The following BRIP1 variants were observed in gnomAD, a reference collection of about 807,000 sequenced individuals.
BRIP1 encodes BRCA1 interacting DNA helicase 1, also known as Fanconi anemia group J protein.
BRIP1 carries 88 observed loss-of-function variants against 119.7 expected under a neutral mutation model. The ratio of observed to expected loss-of-function variants is 0.74; its 90% confidence interval spans 0.62 to 0.88. The LOEUF (loss-of-function observed/expected upper bound fraction) is 0.88, where lower values mean the gene tolerates loss of function less well. BRIP1 is among the 40% of genes least tolerant of loss of function. BRIP1 has a pLI of 0.00. For synonymous variants in BRIP1, 443 were observed against 496.5 expected, an observed-to-expected ratio of 0.89 and a Z score of 1.43; for missense variants, 1,259 against 1,455.4, an observed-to-expected ratio of 0.87 and a Z score of 2.20.
At position 61,722,380 on chromosome 17, in the gene BRIP1, A is replaced by G. The variant is rs2061995833; in HGVS notation, c.2380-6317T>C. 6.6e-6 allele frequency among the ~76,000 whole-genome samples: 1 copy of G among 152,154 alleles called. No individual in the cohort carries two copies. The highest frequency in any genetic ancestry group is 1.5e-5 in the Non-Finnish European group (1 of 68,020). On this transcript the variant is annotated intron_variant, in intron 16 of 19. Coordinates refer to ENST00000259008, the MANE Select transcript of BRIP1 (RefSeq NM_032043.3). The surrounding 1 kb of genome is among the most constrained non-coding windows in gnomAD (Gnocchi z 4.6). ...TAGGGCAACATAAGTAGTAAATGAT[A>G]ACATAACACCATAGTAAATATTAGA...
At chr17:61,718,832 T>A (rs2061924200) in intron 16 of BRIP1, among the ~76,000 whole-genome samples, 1 of 152,220 alleles carries the variant, frequency 6.6e-6, no homozygotes, top group Non-Finnish European at 1.5e-5. Context: ...AATCCATGGA[T>A]GCTCAAGTAC....
rs2061280915 is a variant in BRIP1 at position 61,682,320 on chromosome 17, A to AATATTTT, written c.*975_*976insAAAATAT. On this transcript the variant is annotated 3_prime_UTR_variant, in exon 20 of 20. Coordinates refer to ENST00000259008, the MANE Select transcript of BRIP1 (RefSeq NM_032043.3). The surrounding 1 kb of genome is among the most constrained non-coding windows in gnomAD (Gnocchi z 4.9). Reference sequence around the variant, plus strand: ...AGTGTTTGGTACTTATTACTCACTGATCCACTAGGAAAAATATATAATACT... The same window carrying AATATTTT: ...AGTGTTTGGTACTTATTACTCACTGAATATTTTTCCACTAGGAAAAATATATAATACT... 1 of 201,492 alleles carries AATATTTT rather than the reference A, an allele frequency of 5.0e-6. No individual in the cohort carries two copies. Among genetic ancestry groups the AATATTTT allele is most frequent in the African/African-American group, 2.3e-5 (1 of 43,578 alleles). 12.5% of individuals were successfully genotyped at this position (201,492 alleles called of 1,614,324 possible).
chr17:61,688,692 TAAAG>T (rs1349158712), intron 18 of BRIP1, among the ~76,000 whole-genome samples: 2 of 125,164 alleles, frequency 1.6e-5, no homozygotes, highest in East Asian at 4.6e-4. Flanking sequence ...ACAAGAAACA[TAAAG>T]AAACAGGAAA....
At chr17:61,764,817 A>G (rs1025792388) in intron 14 of BRIP1, among the ~76,000 whole-genome samples, 1 of 151,542 alleles carries the variant, frequency 6.6e-6, no homozygotes, top group Admixed American at 6.6e-5. Flanking sequence ...GGGTGGGGGG[A>G]GCACAGGGAG....
rs1286995174 is a variant in BRIP1, at chr17:61,795,898, C to T, written c.1341-2169G>A. Among the ~76,000 whole-genome samples, 1 of 152,016 alleles carries T rather than the reference C, an allele frequency of 6.6e-6. No individual in the cohort carries two copies. The highest frequency in any genetic ancestry group is 1.9e-4 in the East Asian group (1 of 5,178). ...CAGTATACGAGGGTTGTCTTTTCTC[C>T]ACATCCTTGCCAGCATTTGTTATTG... On this transcript the variant is annotated intron_variant, in intron 9 of 19. Coordinates refer to ENST00000259008, the MANE Select transcript of BRIP1 (RefSeq NM_032043.3). This position sits in a 1 kb window ranked among gnomAD's most constrained non-coding sequence, Gnocchi z 5.6.
intron 14 of BRIP1, among the ~76,000 whole-genome samples, chr17:61,766,252 C>T (rs968347062): frequency 5.9e-5 from 9 of 152,068 alleles, no homozygotes; most frequent in Admixed American, 3.9e-4. Context: ...GTAGTATGTG[C>T]CCAGTAAATG....
chr17:61,719,184 C>G (rs545565661), intron 16 of BRIP1, among the ~76,000 whole-genome samples: 1 of 148,564 alleles, frequency 6.7e-6, no homozygotes, highest in African/African-American at 2.5e-5. Context: ...TTGCCCCCCC[C>G]CCATGTTTAT....
In BRIP1 at chr17:61,848,202, G is replaced by A. The variant is rs908659559; in HGVS notation, c.507+927C>T. The stretch of plus-strand genomic sequence containing the variant: ...TTTATTTATTTATTTTTTAGAGACA[G>A]GGTCTTGCTCTGTCACCAAGGTTGA... On this transcript the variant is annotated intron_variant, in intron 5 of 19. Transcript: ENST00000259008. This position sits in a 1 kb window ranked among gnomAD's most constrained non-coding sequence, Gnocchi z 4.3. 6.6e-6 allele frequency among the ~76,000 whole-genome samples: 1 copy of A among 151,822 alleles called. No homozygotes were observed. Among genetic ancestry groups the A allele is most frequent in the Admixed American group, 6.6e-5 (1 of 15,238 alleles).
Position 61,808,557 on chromosome 17 carries a change from AAG to A in BRIP1, c.826_827del (p.Leu276PhefsTer11). The A allele has an allele frequency of 6.2e-7, 1 of 1,613,568 alleles. No individual in the cohort carries two copies. The highest frequency in any genetic ancestry group is 8.5e-7 in the Non-Finnish European group (1 of 1,179,534). ...TAYSGVPMTILSSRDHTCVHP... is the reference protein window; with the variant it reads ...TAYSGVPMTIXSSRDHTCVHP... ...GGACACAAGTATGATCCCTGCTGGA[AAG>A]AATAGTCATTGGAACCCCTGAATAT... On this transcript the variant is annotated frameshift_variant, in exon 7 of 20. Coordinates refer to ENST00000259008, the MANE Select transcript of BRIP1 (RefSeq NM_032043.3). LOFTEE classifies it high-confidence loss of function. The surrounding 1 kb of genome is among the most constrained non-coding windows in gnomAD (Gnocchi z 4.1).
At position 61,734,529 on chromosome 17, in the gene BRIP1, A is replaced by G. The variant is rs1327754189; in HGVS notation, c.2379+8484T>C. 2.6e-5 allele frequency among the ~76,000 whole-genome samples: 4 copies of G among 152,196 alleles called. No individual in the cohort carries two copies. Among genetic ancestry groups the G allele is most frequent in the South Asian group, 4.1e-4 (2 of 4,836 alleles). On this transcript the variant is annotated intron_variant, in intron 16 of 19. Coordinates refer to ENST00000259008, the MANE Select transcript of BRIP1 (RefSeq NM_032043.3). The surrounding 1 kb of genome is among the most constrained non-coding windows in gnomAD (Gnocchi z 5.2). ...CAGAGTAGCCCATTATCAACATTTC[A>G]TAGTGGGTTTCTTTATTTTCAGGTC...
intron 6 of BRIP1, among the ~76,000 whole-genome samples, chr17:61,813,152 A>T (rs1020426342): frequency 6.6e-5 from 10 of 152,120 alleles, no homozygotes; most frequent in African/African-American, 2.4e-4. Context: ...TTTCAAAAGC[A>T]GGCAGGAGTA....
In BRIP1 at chr17:61,795,458, A is replaced by C. The variant is rs2077885569; in HGVS notation, c.1341-1729T>G. ...TTCTACTCTCTATCTCAATGGATTA[A>C]ATTGTTTTCATTTTTAGATCCCACA... On this transcript the variant is annotated intron_variant, in intron 9 of 19. Coordinates refer to ENST00000259008, the MANE Select transcript of BRIP1 (RefSeq NM_032043.3). This position sits in a 1 kb window ranked among gnomAD's most constrained non-coding sequence, Gnocchi z 5.6. Among the ~76,000 whole-genome samples, 2 of 151,944 alleles carry C rather than the reference A, an allele frequency of 1.3e-5. No individual in the cohort carries two copies. The highest frequency in any genetic ancestry group is 4.8e-5 in the African/African-American group (2 of 41,384).
At position 61,794,202 on chromosome 17, in the gene BRIP1, C is replaced by T. The variant is rs924124088; in HGVS notation, c.1341-473G>A. On this transcript the variant is annotated intron_variant, in intron 9 of 19. Transcript: ENST00000259008. This position sits in a 1 kb window ranked among gnomAD's most constrained non-coding sequence, Gnocchi z 4.3. Reference sequence around the variant, plus strand: ...AAGTGTTTGAATGCCTATTTTATTCCAGACATTGTTCTGGGTAGTGAAAAT... The same window carrying T: ...AAGTGTTTGAATGCCTATTTTATTCTAGACATTGTTCTGGGTAGTGAAAAT... 6.6e-6 allele frequency among the ~76,000 whole-genome samples: 1 copy of T among 151,910 alleles called. No homozygotes were observed. The highest frequency in any genetic ancestry group is 1.5e-5 in the Non-Finnish European group (1 of 67,970).
chr17:61,753,918 C>T lies in BRIP1; in HGVS notation c.2098-9327G>A, dbSNP rs1312967929. ...TGAGCCACCACACCCAGCCCCTCAT[C>T]TCTACTACTGCTCATCCAATTCATC... is the stretch of plus-strand genomic sequence containing the variant. On this transcript the variant is annotated intron_variant, in intron 14 of 19. Transcript: ENST00000259008. This position sits in a 1 kb window ranked among gnomAD's most constrained non-coding sequence, Gnocchi z 4.6. Among the ~76,000 whole-genome samples the T allele has an allele frequency of 6.6e-6, 1 of 152,168 alleles. No individual in the cohort carries two copies. Among genetic ancestry groups the T allele is most frequent in the Non-Finnish European group, 1.5e-5 (1 of 68,038 alleles).
In BRIP1 at chr17:61,774,813, A is replaced by G. The variant is rs2077509958; in HGVS notation, c.2097+1588T>C. ...ATACAGTCACTAAAAAGTTATTTCA[A>G]TGTTATAGTCTCTAGTCACCCAATT... On this transcript the variant is annotated intron_variant, in intron 14 of 19. Coordinates refer to ENST00000259008, the MANE Select transcript of BRIP1 (RefSeq NM_032043.3). This position sits in a 1 kb window ranked among gnomAD's most constrained non-coding sequence, Gnocchi z 5.8. Among the ~76,000 whole-genome samples the G allele has an allele frequency of 6.6e-6, 1 of 152,114 alleles. No individual in the cohort carries two copies. The highest frequency in any genetic ancestry group is 6.5e-5 in the Admixed American group (1 of 15,272).
chr17:61,861,403 G>T lies in BRIP1; in HGVS notation c.93+44C>A. ...ACTCAATGTACTTTATGGGTCATAA[G>T]TATCTATATCTTAATAAAAACTTAA... is the stretch of plus-strand genomic sequence containing the variant. On this transcript the variant is annotated intron_variant, in intron 2 of 19. Transcript: ENST00000259008. This position sits in a 1 kb window ranked among gnomAD's most constrained non-coding sequence, Gnocchi z 4.5. The T allele has an allele frequency of 8.0e-7, 1 of 1,242,716 alleles. No homozygotes were observed. Among genetic ancestry groups the T allele is most frequent in the Non-Finnish European group, 1.2e-6 (1 of 843,994 alleles). 77.0% of individuals were successfully genotyped at this position (1,242,716 alleles called of 1,614,324 possible).
rs1403220193 is a variant in BRIP1 at position 61,768,647 on chromosome 17, A to G, written c.2097+7754T>C. Among the ~76,000 whole-genome samples the G allele has an allele frequency of 1.3e-5, 2 of 152,120 alleles. No individual in the cohort carries two copies. Among genetic ancestry groups the G allele is most frequent in the Admixed American group, 6.6e-5 (1 of 15,262 alleles). The stretch of plus-strand genomic sequence containing the variant: ...TTCCTAACCTTTTTCTTACCCTGAT[A>G]AATTAACCCCTGTGATAAAAAGTTT... On this transcript the variant is annotated intron_variant, in intron 14 of 19. Coordinates refer to ENST00000259008, the MANE Select transcript of BRIP1 (RefSeq NM_032043.3). The surrounding 1 kb of genome is among the most constrained non-coding windows in gnomAD (Gnocchi z 5.0).
intron 6 of BRIP1, among the ~76,000 whole-genome samples, chr17:61,835,590 C>T (rs902638238): frequency 1.3e-4 from 20 of 151,872 alleles, no homozygotes; most frequent in African/African-American, 4.1e-4. Flanking sequence ...AAATTATTTA[C>T]TTCAGATAGT....
chr17:61,835,118 T>C (rs1174331058), intron 6 of BRIP1, among the ~76,000 whole-genome samples: 2 of 149,712 alleles, frequency 1.3e-5, no homozygotes, highest in African/African-American at 4.9e-5. Flanking sequence ...AAATTTTCTC[T>C]TAGATGATGC....
Sources: allele counts gnomAD v4.1 joint callset (sites outside exome capture counted in the v4.1 genomes callset), GRCh38; gene constraint gnomAD v4.1.1; non-coding constraint Gnocchi (gnomAD v3.1); transcripts MANE v1.5; gene names NCBI Gene and HGNC (gene_info 2026-07-23, HGNC 2026-07-21).